Variants in PHTF2 observed in about 807,000 individuals in gnomAD.
PHTF2 encodes protein PHTF2.
PHTF2 carries 60 observed loss-of-function variants against 101.2 expected under a neutral mutation model. That is an observed-to-expected ratio of 0.59 (90% CI 0.48 to 0.73). PHTF2 has a LOEUF of 0.73. Among genes scored for constraint, PHTF2 ranks in the 30% least tolerant of loss-of-function variants. The pLI, the probability that PHTF2 is intolerant of heterozygous loss-of-function variation, is 0.00. For missense variants in PHTF2, 747 were observed against 908.7 expected (o/e 0.82, Z 2.29); for synonymous variants, 311 against 307.3 (o/e 1.01, Z -0.13).
At chr7:77,877,088 G>A (rs1001646791) in intron 3 of PHTF2, among the ~76,000 whole-genome samples, 10 of 151,196 alleles carry the variant, frequency 6.6e-5, no homozygotes, top group African/African-American at 2.4e-4. Context: ...CATGATTAAT[G>A]GAAGTCAGTA....
At chr7:77,831,720 G>A (rs1363341326) in intron 1 of PHTF2, among the ~76,000 whole-genome samples, 1 of 152,204 alleles carries the variant, frequency 6.6e-6, no homozygotes, top group Non-Finnish European at 1.5e-5. Flanking sequence ...GAGCACGGCT[G>A]CCATGACTGG....
At chr7:77,952,664 C>T (rs1325119514) in intron 18 of PHTF2, among the ~76,000 whole-genome samples, 13 of 152,132 alleles carry the variant, frequency 8.5e-5, no homozygotes, top group Non-Finnish European at 1.9e-4. Context: ...AGAGTGTAGG[C>T]ACTGTGTAGG....
At chr7:77,942,916 T>G in intron 16 of PHTF2, 130 bp downstream of exon 15, 1 of 517,796 alleles carries the variant, frequency 1.9e-6, no homozygotes, top group Non-Finnish European at 3.3e-6. Flanking sequence ...TTTTTGCAGT[T>G]TTTTTGGTAG....
At chr7:77,831,313 C>CT (rs752292775) in intron 1 of PHTF2, among the ~76,000 whole-genome samples, 2 of 152,248 alleles carry the variant, frequency 1.3e-5, no homozygotes, top group South Asian at 2.1e-4. Flanking sequence ...GAGTATTATT[C>CT]TTAGCGGCTA....
chr7:77,912,152 TG>T (rs1435949427), intron 9 of PHTF2, among the ~76,000 whole-genome samples: 1 of 152,246 alleles, frequency 6.6e-6, no homozygotes, highest in Non-Finnish European at 1.5e-5. Context: ...TTCCTCCTGT[TG>T]GGCAGCAGCA....
chr7:77,898,594 G>T (rs1023105670), intron 5 of PHTF2, among the ~76,000 whole-genome samples: 1 of 152,022 alleles, frequency 6.6e-6, no homozygotes, highest in Admixed American at 6.6e-5. Context: ...TCATTATTTG[G>T]GGTAGCTATG....
intron 3 of PHTF2, among the ~76,000 whole-genome samples, chr7:77,866,625 A>C (rs1276838835): frequency 2.0e-5 from 3 of 152,172 alleles, no homozygotes; most frequent in African/African-American, 7.2e-5. Context: ...AAAAAAGTTA[A>C]TACTGGTCTG....
At chr7:77,895,117 T>C (rs1486508899) in intron 5 of PHTF2, 1 of 453,820 alleles carries the variant, frequency 2.2e-6, no homozygotes, top group East Asian at 7.0e-5. Flanking sequence ...CATTTAGAAT[T>C]CTGTTATAGA....
At chr7:77,803,016 C>T (rs1792678779) in intron 1 of PHTF2, among the ~76,000 whole-genome samples, 1 of 152,110 alleles carries the variant, frequency 6.6e-6, no homozygotes, top group Non-Finnish European at 1.5e-5. Context: ...ATTTTTAGTC[C>T]ACTTTGTTAT....
chr7:77,846,161 G>A (rs941332488), intron 2 of PHTF2, among the ~76,000 whole-genome samples: 1 of 152,144 alleles, frequency 6.6e-6, no homozygotes, highest in African/African-American at 2.4e-5. Context: ...TGGTGGAAGA[G>A]CCTCTATTTT....
intron 3 of PHTF2, among the ~76,000 whole-genome samples, chr7:77,887,820 G>A (rs1584601314): frequency 2.6e-5 from 4 of 152,130 alleles, no homozygotes; most frequent in South Asian, 2.1e-4. Context: ...TATTCAGGGC[G>A]TCTCTGGGAG....
chr7:77,841,199 C>T (rs1472132214), intron 2 of PHTF2, among the ~76,000 whole-genome samples: 2 of 146,518 alleles, frequency 1.4e-5, no homozygotes, highest in African/African-American at 2.5e-5. Flanking sequence ...CTTGTCTCAG[C>T]CTCCCAAGTA....
chr7:77,872,899 C>T (rs988905242), intron 3 of PHTF2, among the ~76,000 whole-genome samples: 3 of 152,068 alleles, frequency 2.0e-5, no homozygotes, highest in East Asian at 1.9e-4. Context: ...TCTTTTAATC[C>T]GGATTTCAGC....
At chr7:77,835,407 G>A (rs1446170741) in intron 1 of PHTF2, among the ~76,000 whole-genome samples, 1 of 152,126 alleles carries the variant, frequency 6.6e-6, no homozygotes, top group Non-Finnish European at 1.5e-5. Context: ...AAAGTGTCAG[G>A]GGTGGAAATA....
chr7:77,935,757 A>G (rs1459837847), intron 12 of PHTF2, among the ~76,000 whole-genome samples: 1 of 152,178 alleles, frequency 6.6e-6, no homozygotes, highest in Non-Finnish European at 1.5e-5. Context: ...GAAGACCTTA[A>G]TTCACTATTC....
At chr7:77,807,654 A>G (rs1291944686) in intron 1 of PHTF2, among the ~76,000 whole-genome samples, 25 of 152,156 alleles carry the variant, frequency 1.6e-4, no homozygotes, top group Non-Finnish European at 5.9e-5. Flanking sequence ...GCAGGGGAGA[A>G]AAATATATGC....
intron 1 of PHTF2, among the ~76,000 whole-genome samples, chr7:77,801,455 A>G (rs536139928): frequency 1.0e-3 from 155 of 152,244 alleles, no homozygotes; most frequent in African/African-American, 3.5e-3. Context: ...GCGTGGTGGT[A>G]TGCACCTGTA....
chr7:77,922,908 A>T (rs1220436721), intron 11 of PHTF2, 130 bp downstream of exon 10: 1 of 1,288,286 alleles, frequency 7.8e-7, no homozygotes, highest in African/African-American at 1.5e-5. Flanking sequence ...TTATTGTTGT[A>T]TGATCTGGAT....
chr7:77,892,935 A>C (rs542934421), intron 3 of PHTF2, among the ~76,000 whole-genome samples: 1 of 152,320 alleles, frequency 6.6e-6, no homozygotes, highest in East Asian at 1.9e-4. Context: ...TGTATAGCAT[A>C]TTAGTACTTG....
Sources: gnomAD v4.1 joint callset for allele counts (sites outside exome capture counted in the v4.1 genomes callset) on GRCh38, gnomAD v4.1.1 for gene constraint, MANE v1.5 for transcripts, NCBI Gene and HGNC (gene_info 2026-07-23, HGNC 2026-07-21) for gene names.